The following MAPK10 variants were observed in gnomAD, a reference collection of about 807,000 sequenced individuals.
The protein encoded by MAPK10 is JNK3 alpha protein kinase.
MAPK10 carries 25 observed loss-of-function variants against 59.3 expected under a neutral mutation model. That is an observed-to-expected ratio of 0.42 (90% confidence interval 0.31 to 0.59). MAPK10 has a LOEUF of 0.59. Among genes scored for constraint, MAPK10 ranks in the 20% least tolerant of loss-of-function variants. The pLI is 0.15. For missense variants in MAPK10, 351 were observed against 568.9 expected (o/e 0.62, Z 3.90); for synonymous variants, 190 against 200.5 (o/e 0.95, Z 0.44).
At chr4:86,431,466 T>G (rs371784089) in intron 1 of MAPK10, among the ~76,000 whole-genome samples, 2 of 152,228 alleles carry the variant, frequency 1.3e-5, no homozygotes, top group African/African-American at 4.8e-5. Flanking sequence ...TTCTACAAAA[T>G]ATTTTATATT....
chr4:86,291,235 G>C (rs936688784), intron 2 of MAPK10, among the ~76,000 whole-genome samples: 1 of 152,130 alleles, frequency 6.6e-6, no homozygotes. Context: ...CAGCACTGGG[G>C]ATAAATAAGC....
chr4:86,477,836 A>G (rs1354230827), intron 1 of MAPK10, among the ~76,000 whole-genome samples: 2 of 152,138 alleles, frequency 1.3e-5, no homozygotes, highest in Admixed American at 1.3e-4. Flanking sequence ...CTGGATCTCA[A>G]ACATGTTTTC....
intron 9 of MAPK10, among the ~76,000 whole-genome samples, chr4:86,083,394 G>A (rs2051083350): frequency 6.6e-6 from 1 of 152,136 alleles, no homozygotes. Context: ...GGAGAGCATA[G>A]CATTTGTGAG....
chr4:86,456,528 C>T (rs555976196), upstream of MAPK10, among the ~76,000 whole-genome samples: 1 of 152,050 alleles, frequency 6.6e-6, no homozygotes, highest in Admixed American at 6.6e-5. Flanking sequence ...ACTATGAACA[C>T]CTTTATGCAC....
intron 2 of MAPK10, among the ~76,000 whole-genome samples, chr4:86,289,975 T>C (rs994164533): frequency 1.3e-5 from 2 of 152,100 alleles, no homozygotes; most frequent in East Asian, 1.9e-4. Context: ...AGGCTAAGAA[T>C]TGATTTTGGA....
chr4:86,022,529 G>A (rs376749985), intron 13 of MAPK10, among the ~76,000 whole-genome samples: 71 of 151,346 alleles, frequency 4.7e-4, no homozygotes, highest in African/African-American at 1.7e-3. Context: ...TTTTTTTAAG[G>A]ACAGGGTCTC....
chr4:86,478,347 G>T (rs1378378734), intron 1 of MAPK10, among the ~76,000 whole-genome samples: 2 of 152,142 alleles, frequency 1.3e-5, no homozygotes, highest in Non-Finnish European at 2.9e-5. Flanking sequence ...TGTGCAGTCG[G>T]AATTCTTACA....
chr4:86,355,187 T>C (rs1004368094), intron 1 of MAPK10, among the ~76,000 whole-genome samples: 1 of 152,184 alleles, frequency 6.6e-6, no homozygotes, highest in African/African-American at 2.4e-5. Flanking sequence ...CAACATTATA[T>C]TAGACAAGAT....
At position 86,441,809 on chromosome 4, in the gene MAPK10, C is replaced by G. The variant is rs868205918; in HGVS notation, c.-122+11221G>C. ...CTACTCCAGGGGCATCCAGGCTCCC[C>G]CTATTGTCCCCATGGAAGCCTCTCC... On this transcript the variant is annotated intron_variant, in intron 1 of 13. Transcript: ENST00000361569. Among the ~76,000 whole-genome samples the G allele has an allele frequency of 3.0e-4, 46 of 152,152 alleles. 1 individual carries two copies. Among genetic ancestry groups the G allele is most frequent in the Admixed American group, 2.2e-3 (34 of 15,272 alleles).
In MAPK10 at chr4:86,015,021, A is replaced by C. The variant is rs1380586932; in HGVS notation, c.*2207T>G. On this transcript the variant is annotated 3_prime_UTR_variant, in exon 14 of 14. Coordinates refer to ENST00000641462, the MANE Select transcript of MAPK10 (RefSeq NM_138982.4). ...AGGAGAAGTTTTTAAAAAAAAAAAA[A>C]AAAAACAGGAATATGAAAGAGAGGG... 2.0e-5 allele frequency: 3 copies of C among 151,916 alleles called. No individual in the cohort carries two copies. Among genetic ancestry groups the C allele is most frequent in the Non-Finnish European group, 2.9e-5 (2 of 67,980 alleles). 9.4% of individuals were successfully genotyped at this position (151,916 alleles called of 1,614,324 possible).
chr4:86,461,073 T>C (rs1751694391), intron 1 of MAPK10, among the ~76,000 whole-genome samples: 1 of 151,448 alleles, frequency 6.6e-6, no homozygotes, highest in African/African-American at 2.4e-5. Context: ...GGTCGAAGGG[T>C]CATTGGAGTG....
intron 2 of MAPK10, among the ~76,000 whole-genome samples, chr4:86,311,643 T>C (rs2095671177): frequency 4.6e-5 from 7 of 152,150 alleles, no homozygotes; most frequent in Admixed American, 4.6e-4. Flanking sequence ...TCTTTATTCC[T>C]AGGTGTGTTG....
chr4:86,446,412 C>T (rs1229349529), intron 1 of MAPK10, among the ~76,000 whole-genome samples: 1 of 152,106 alleles, frequency 6.6e-6, no homozygotes, highest in African/African-American at 2.4e-5. Flanking sequence ...GAGAGAGTCT[C>T]ACCATGTTGC....
Position 86,586,816 on chromosome 4 carries a change from C to T in MAPK10, c.-263+7094G>A, listed in dbSNP as rs555890145. Among the ~76,000 whole-genome samples, 4 of 152,166 alleles carry T rather than the reference C, an allele frequency of 2.6e-5. No homozygotes were observed. The East Asian group carries it at 5.8e-4, about 22-fold the overall frequency. On this transcript the variant is annotated intron_variant, in intron 1 of 4. Coordinates refer to the MAPK10 transcript ENST00000502302. ...CCAGTAGGGGAAAACGGGAAATAAG[C>T]TAAATATACAAAAGAAGTTCATTTG...
chr4:86,296,220 C>CT (rs1179500727), intron 2 of MAPK10, among the ~76,000 whole-genome samples: 3 of 150,542 alleles, frequency 2.0e-5, no homozygotes, highest in East Asian at 1.9e-4. Context: ...GCAATGCAAA[C>CT]TTTTTTTTGT....
chr4:86,157,562 A>G (rs916904093), intron 4 of MAPK10, among the ~76,000 whole-genome samples: 2 of 151,964 alleles, frequency 1.3e-5, no homozygotes. Flanking sequence ...AGTTGTGCAC[A>G]TAGAAAAGGT....
At chr4:86,335,596 A>C (rs1437817247) in intron 2 of MAPK10, among the ~76,000 whole-genome samples, 2 of 151,826 alleles carry the variant, frequency 1.3e-5, no homozygotes, top group Admixed American at 6.6e-5. Flanking sequence ...TGCCATAAAT[A>C]ATATAGTACT....
rs563637545 is a variant in MAPK10, at chr4:86,397,032, T to A, written c.-121-42388A>T. Among the ~76,000 whole-genome samples, 30 of 152,322 alleles carry A rather than the reference T, an allele frequency of 2.0e-4. No homozygotes were observed. In the South Asian group the frequency reaches 5.4e-3, roughly 27 times the overall value. ...AAAATTACATATGTGGTTCACCTTG[T>A]GGCCCACATTATATTTTTATGGGAC... is the stretch of plus-strand genomic sequence containing the variant. On this transcript the variant is annotated intron_variant, in intron 1 of 13. Coordinates refer to the MAPK10 transcript ENST00000361569.
At chr4:86,581,410 A>C (rs920345870) in intron 1 of MAPK10, among the ~76,000 whole-genome samples, 1 of 152,244 alleles carries the variant, frequency 6.6e-6, no homozygotes, top group Admixed American at 6.5e-5. Flanking sequence ...CTAAAGGTTG[A>C]AATTAGTAAT....
Sources: allele counts gnomAD v4.1 joint callset (sites outside exome capture counted in the v4.1 genomes callset), GRCh38; gene constraint gnomAD v4.1.1; transcripts MANE v1.5; gene names NCBI Gene and HGNC (gene_info 2026-07-23, HGNC 2026-07-21).